The following NPAS3 variants were observed in gnomAD, a reference collection of about 807,000 sequenced individuals.
NPAS3 encodes neuronal PAS domain protein 3.
In NPAS3, 14 loss-of-function variants were observed where a neutral mutation model predicts 73.1. That is an observed-to-expected ratio of 0.19 (90% CI 0.13 to 0.30). The LOEUF (loss-of-function observed/expected upper bound fraction) is 0.30, where lower values mean the gene tolerates loss of function less well. Ranked by LOEUF, NPAS3 falls within the 10% of genes least tolerant of loss-of-function variation. The pLI, the probability that NPAS3 is intolerant of heterozygous loss-of-function variation, is 1.00. For synonymous variants in NPAS3, 620 were observed against 541.5 expected (o/e 1.14, Z -2.01); for missense variants, 1,096 against 1,250.0 (o/e 0.88, Z 1.86).
At chr14:33,731,176 C>G (rs1050306206) in intron 6 of NPAS3, among the ~76,000 whole-genome samples, 1 of 152,010 alleles carries the variant, frequency 6.6e-6, no homozygotes, top group African/African-American at 2.4e-5. Flanking sequence ...CACCTGTAAT[C>G]TCAGCACTTG....
At chr14:33,140,170 C>G (rs1239508202) in intron 2 of NPAS3, among the ~76,000 whole-genome samples, 1 of 152,100 alleles carries the variant, frequency 6.6e-6, no homozygotes, top group Non-Finnish European at 1.5e-5. Flanking sequence ...AGAAACACCA[C>G]TGCTGCACAG....
chr14:33,683,427 C>CAAA (rs1176606241), intron 6 of NPAS3, among the ~76,000 whole-genome samples: 2,151 of 77,452 alleles, frequency 0.028, 138 homozygotes, highest in East Asian at 0.065. Context: ...TTCCTCATTT[C>CAAA]AAAAAAAAAA....
intron 3 of NPAS3, among the ~76,000 whole-genome samples, chr14:33,233,996 T>C (rs1456937402): frequency 1.4e-4 from 22 of 152,150 alleles, no homozygotes; most frequent in Admixed American, 1.4e-3. Flanking sequence ...ACAACTATGC[T>C]GTCAATTCAA....
chr14:33,655,817 C>T (rs769576399), intron 5 of NPAS3, among the ~76,000 whole-genome samples: 1 of 152,074 alleles, frequency 6.6e-6, no homozygotes, highest in Non-Finnish European at 1.5e-5. Context: ...TAGTAAATCT[C>T]AATATTTCAT....
intron 5 of NPAS3, among the ~76,000 whole-genome samples, chr14:33,587,141 AT>A (rs2056891112): frequency 6.6e-6 from 1 of 152,110 alleles, no homozygotes; most frequent in South Asian, 2.1e-4. Context: ...TTTGAAAACT[AT>A]TTTTGTGCCC....
chr14:33,053,635 A>C (rs867571451), intron 1 of NPAS3, among the ~76,000 whole-genome samples: 3 of 152,244 alleles, frequency 2.0e-5, no homozygotes, highest in African/African-American at 7.2e-5. Context: ...AAGGTAAAAC[A>C]CAAAGTGTTA....
chr14:33,705,575 A>C (rs2060635055), intron 6 of NPAS3, among the ~76,000 whole-genome samples: 1 of 152,226 alleles, frequency 6.6e-6, no homozygotes, highest in East Asian at 1.9e-4. Flanking sequence ...CTAGAGTTGA[A>C]GCCTCTAATA....
intron 5 of NPAS3, among the ~76,000 whole-genome samples, chr14:33,670,812 C>G (rs1049464196): frequency 3.3e-5 from 5 of 151,910 alleles, no homozygotes; most frequent in Admixed American, 3.3e-4. Flanking sequence ...TTTGAATGAC[C>G]TTTTATTCAG....
chr14:33,591,721 G>A (rs1446309135), intron 5 of NPAS3, among the ~76,000 whole-genome samples: 5 of 152,106 alleles, frequency 3.3e-5, no homozygotes, highest in African/African-American at 1.2e-4. Context: ...TGTCATCACT[G>A]CAGTTTACCT....
chr14:33,640,543 ATATT>A (rs530405557), intron 5 of NPAS3, among the ~76,000 whole-genome samples: 24 of 152,348 alleles, frequency 1.6e-4, no homozygotes, highest in African/African-American at 5.8e-4. Context: ...ACTTATAAAA[ATATT>A]TAAACTCCAT....
intron 7 of NPAS3, among the ~76,000 whole-genome samples, chr14:33,773,735 TCTGACCATCAACCC>T (rs1280985431): frequency 6.6e-6 from 1 of 152,194 alleles, no homozygotes; most frequent in Non-Finnish European, 1.5e-5. Flanking sequence ...GCCAAAGTCC[TCTGACCATCAACCC>T]CATAGGGCAC....
chr14:33,152,293 A>T (rs1274951742), intron 2 of NPAS3, among the ~76,000 whole-genome samples: 1 of 152,216 alleles, frequency 6.6e-6, no homozygotes, highest in African/African-American at 2.4e-5. Context: ...CATCAGAGCC[A>T]TTGGTGTTGG....
chr14:33,487,032 A>G (rs917781146), intron 4 of NPAS3, among the ~76,000 whole-genome samples: 3 of 152,130 alleles, frequency 2.0e-5, no homozygotes, highest in African/African-American at 7.2e-5. Flanking sequence ...ACTCTCCCCA[A>G]TATTGCCTAG....
intron 5 of NPAS3, among the ~76,000 whole-genome samples, chr14:33,626,256 A>C (rs1014587981): frequency 1.3e-5 from 2 of 152,202 alleles, no homozygotes; most frequent in African/African-American, 4.8e-5. Flanking sequence ...TAATATTTGC[A>C]TAAAATTTAC....
At chr14:32,937,682 G>A (rs1432715305), upstream of NPAS3, among the ~76,000 whole-genome samples, 1 of 152,314 alleles carries the variant, frequency 6.6e-6, no homozygotes, top group South Asian at 2.1e-4. Flanking sequence ...CGTAGAGACC[G>A]AATGGAGGAC....
chr14:33,296,810 G>C (rs1388721151), intron 3 of NPAS3, among the ~76,000 whole-genome samples: 1 of 152,180 alleles, frequency 6.6e-6, no homozygotes, highest in Non-Finnish European at 1.5e-5. Context: ...GTAAAATTAT[G>C]TTTGTTTTCC....
At chr14:33,296,979 G>T (rs138963478) in intron 3 of NPAS3, among the ~76,000 whole-genome samples, 1 of 152,096 alleles carries the variant, frequency 6.6e-6, no homozygotes, top group African/African-American at 2.4e-5. Flanking sequence ...AGAATAAATC[G>T]CATCCTTTTC....
intron 1 of NPAS3, among the ~76,000 whole-genome samples, chr14:33,014,552 T>C (rs2039327112): frequency 2.6e-5 from 4 of 152,156 alleles, no homozygotes; most frequent in Admixed American, 2.6e-4. Context: ...GTATGACATA[T>C]CTTAAATGAC....
intron 4 of NPAS3, among the ~76,000 whole-genome samples, chr14:33,391,528 T>C (rs1406513117): frequency 2.0e-5 from 3 of 152,176 alleles, no homozygotes; most frequent in Non-Finnish European, 4.4e-5. Context: ...ACGTTACTGA[T>C]TTTATATTTC....
Sources: gnomAD v4.1 joint callset for allele counts (sites outside exome capture counted in the v4.1 genomes callset) on GRCh38, gnomAD v4.1.1 for gene constraint, MANE v1.5 for transcripts, NCBI Gene and HGNC (gene_info 2026-07-23, HGNC 2026-07-21) for gene names.